CACNB2: variants seen among roughly 807,000 people sequenced by gnomAD.
The protein encoded by CACNB2 is calcium voltage-gated channel auxiliary subunit beta 2.
Under a neutral mutation model 73.3 loss-of-function variants are expected in CACNB2, and 42 were observed. The ratio of observed to expected loss-of-function variants is 0.57; its 90% confidence interval spans 0.45 to 0.74. The LOEUF is 0.74. CACNB2 is among the 30% of genes least tolerant of loss of function. CACNB2 has a pLI of 0.00. For missense variants in CACNB2, 940 were observed against 853.0 expected (o/e 1.10, Z -1.27); for synonymous variants, 348 against 310.3 (o/e 1.12, Z -1.28).
intron 1 of CACNB2, among the ~76,000 whole-genome samples, chr10:18,144,358 G>A (rs1356415504): frequency 6.6e-6 from 1 of 152,258 alleles, no homozygotes; most frequent in Admixed American, 6.5e-5. Flanking sequence ...GGGATTACAG[G>A]CGTGCGCCAC....
At chr10:18,363,508 C>G (rs1294764593) in intron 2 of CACNB2, among the ~76,000 whole-genome samples, 1 of 152,210 alleles carries the variant, frequency 6.6e-6, no homozygotes, top group Admixed American at 6.5e-5. Flanking sequence ...ACATGTCTGT[C>G]TTATGCTTTC....
At chr10:18,503,830 C>T (rs2050341574) in intron 5 of CACNB2, among the ~76,000 whole-genome samples, 1 of 152,080 alleles carries the variant, frequency 6.6e-6, no homozygotes, top group Admixed American at 6.5e-5. Context: ...AAAGTTACTT[C>T]AGGATTTTTT....
chr10:18,303,597 A>G (rs1051029386), intron 2 of CACNB2, among the ~76,000 whole-genome samples: 2 of 152,222 alleles, frequency 1.3e-5, no homozygotes, highest in Non-Finnish European at 2.9e-5. Context: ...CATAAGAGCC[A>G]GTACTGAATT....
intron 2 of CACNB2, among the ~76,000 whole-genome samples, chr10:18,259,027 G>A (rs1174291857): frequency 6.6e-6 from 1 of 151,614 alleles, no homozygotes; most frequent in Non-Finnish European, 1.5e-5. Flanking sequence ...TTTTCCTTTT[G>A]GACCTTCAAA....
intron 3 of CACNB2, among the ~76,000 whole-genome samples, chr10:18,418,762 G>A (rs943420166): frequency 2.0e-5 from 3 of 152,112 alleles, no homozygotes; most frequent in African/African-American, 7.2e-5. Flanking sequence ...GCATCAGGGC[G>A]TCAGTTCTTG....
At chr10:18,341,708 T>A (rs1265015246) in intron 2 of CACNB2, among the ~76,000 whole-genome samples, 27 of 152,210 alleles carry the variant, frequency 1.8e-4, no homozygotes, top group Admixed American at 1.4e-3. Context: ...AATTAATAGT[T>A]TGTCTAAAAA....
At chr10:18,518,102 G>C (rs2051460166) in intron 7 of CACNB2, among the ~76,000 whole-genome samples, 1 of 152,194 alleles carries the variant, frequency 6.6e-6, no homozygotes, top group Non-Finnish European at 1.5e-5. Context: ...GAATAGGTCT[G>C]TAGCATTTCT....
At chr10:18,382,196 A>C (rs1275079026) in intron 2 of CACNB2, among the ~76,000 whole-genome samples, 1 of 151,930 alleles carries the variant, frequency 6.6e-6, no homozygotes, top group Non-Finnish European at 1.5e-5. Flanking sequence ...ACTTGCTCAG[A>C]ATGGATCTTG....
chr10:18,497,854 A>G (rs953553985), intron 3 of CACNB2, among the ~76,000 whole-genome samples: 3 of 152,246 alleles, frequency 2.0e-5, no homozygotes, highest in Non-Finnish European at 2.9e-5. Context: ...CGTTGCAGCC[A>G]TGAATGAGAG....
chr10:18,514,578 T>G (rs745513946), intron 7 of CACNB2: 2 of 1,585,690 alleles, frequency 1.3e-6, no homozygotes, highest in African/African-American at 1.3e-5. Flanking sequence ...ACTGGCATCA[T>G]TAGCATTAAT....
intron 3 of CACNB2, among the ~76,000 whole-genome samples, chr10:18,497,208 T>TAAAA (rs11421435): frequency 2.5e-5 from 3 of 118,936 alleles, no homozygotes; most frequent in African/African-American, 6.3e-5. Context: ...TAAGACTCTG[T>TAAAA]AAAAAAAAAA....
intron 2 of CACNB2, among the ~76,000 whole-genome samples, chr10:18,394,237 T>G (rs1202568398): frequency 6.6e-6 from 1 of 152,136 alleles, no homozygotes; most frequent in African/African-American, 2.4e-5. Flanking sequence ...GATTTCACCG[T>G]GAGCCACTGC....
intron 2 of CACNB2, among the ~76,000 whole-genome samples, chr10:18,308,500 C>G (rs1394840705): frequency 6.6e-6 from 1 of 152,178 alleles, no homozygotes; most frequent in Non-Finnish European, 1.5e-5. Context: ...TCTGTGTTCC[C>G]ATTGTAGTGT....
intron 2 of CACNB2, among the ~76,000 whole-genome samples, chr10:18,241,556 A>G (rs1245924596): frequency 2.6e-5 from 4 of 152,144 alleles, no homozygotes; most frequent in Admixed American, 2.6e-4. Flanking sequence ...CATGTTATGT[A>G]CATGTACCCC....
Position 18,542,392 on chromosome 10 carries a change from G to C in CACNB2, c.*2668G>C, listed in dbSNP as rs1450654503. ...AAAATTGAATTTATAAAATATTTCT[G>C]ATAAAACTTTTGTCATGGTAAGAGA... On this transcript the variant is annotated 3_prime_UTR_variant, in exon 14 of 14. Coordinates refer to ENST00000324631, the MANE Select transcript of CACNB2 (RefSeq NM_201596.3). 1 of 152,066 alleles carries C rather than the reference G, an allele frequency of 6.6e-6. No individual in the cohort carries two copies. The highest frequency in any genetic ancestry group is 1.9e-4 in the East Asian group (1 of 5,206). 9.4% of individuals were successfully genotyped at this position (152,066 alleles called of 1,614,324 possible). A position where few individuals can be genotyped will look rare whatever the true frequency, so the allele number is the denominator to read the frequency against.
At chr10:18,457,680 C>T (rs1414821675) in intron 3 of CACNB2, among the ~76,000 whole-genome samples, 2 of 152,038 alleles carry the variant, frequency 1.3e-5, no homozygotes, top group Non-Finnish European at 2.9e-5. Flanking sequence ...CACCTGAGGT[C>T]AGGAGTTCAA....
intron 2 of CACNB2, among the ~76,000 whole-genome samples, chr10:18,381,943 G>A (rs1321430515): frequency 6.6e-6 from 1 of 151,962 alleles, no homozygotes; most frequent in Non-Finnish European, 1.5e-5. Context: ...ACATCATATG[G>A]ACATGTTCTT....
At chr10:18,466,637 G>A (rs536188202) in intron 3 of CACNB2, among the ~76,000 whole-genome samples, 18 of 152,250 alleles carry the variant, frequency 1.2e-4, no homozygotes, top group African/African-American at 4.1e-4. Flanking sequence ...CTGTTAATTT[G>A]AGAATCCATT....
intron 2 of CACNB2, among the ~76,000 whole-genome samples, chr10:18,305,904 G>C (rs2039708793): frequency 6.6e-6 from 1 of 152,108 alleles, no homozygotes; most frequent in African/African-American, 2.4e-5. Flanking sequence ...GGAGTTGGAG[G>C]CTGCAGTGAG....
Sources: allele counts gnomAD v4.1 joint callset (sites outside exome capture counted in the v4.1 genomes callset), GRCh38; gene constraint gnomAD v4.1.1; transcripts MANE v1.5; gene names NCBI Gene and HGNC (gene_info 2026-07-23, HGNC 2026-07-21).